The following EYA1 variants were observed in gnomAD, a reference collection of about 807,000 sequenced individuals.
EYA1 encodes the protein EYA transcriptional coactivator and phosphatase 1.
EYA1 carries 16 observed loss-of-function variants against 82.0 expected under a neutral mutation model. That is an observed-to-expected ratio of 0.20 (90% CI 0.13 to 0.30). EYA1 has a LOEUF of 0.30. EYA1 is among the 10% of genes least tolerant of loss of function. EYA1 has a pLI of 1.00. For missense variants in EYA1, 633 were observed against 730.7 expected, an observed-to-expected ratio of 0.87 and a Z score of 1.54; for synonymous variants, 261 against 264.4, an observed-to-expected ratio of 0.99 and a Z score of 0.12.
intron 2 of EYA1, among the ~76,000 whole-genome samples, chr8:71,446,978 C>A (rs1806932342): frequency 2.6e-5 from 4 of 152,098 alleles, no homozygotes; most frequent in African/African-American, 9.6e-5. Flanking sequence ...AGGCACTGAG[C>A]AACCACTATA....
At chr8:71,200,280 C>T (rs1479679711) in intron 17 of EYA1, 1 of 152,112 alleles carries the variant, frequency 6.6e-6, no homozygotes, top group South Asian at 2.1e-4. Flanking sequence ...GTATAATTTG[C>T]AATTATAGTT....
intron 2 of EYA1, among the ~76,000 whole-genome samples, chr8:71,406,712 C>T (rs1011878683): frequency 1.3e-5 from 2 of 151,952 alleles, no homozygotes; most frequent in Admixed American, 6.6e-5. Flanking sequence ...GCAACTGGCT[C>T]GGAGGGTCCT....
chr8:71,525,344 G>C (rs985787342), intron 2 of EYA1, among the ~76,000 whole-genome samples: 1 of 152,120 alleles, frequency 6.6e-6, no homozygotes, highest in African/African-American at 2.4e-5. Context: ...GAGAATGTGA[G>C]TCTAATTTAT....
intron 17 of EYA1, among the ~76,000 whole-genome samples, chr8:71,210,259 A>C (rs1349423926): frequency 6.6e-6 from 1 of 152,264 alleles, no homozygotes; most frequent in African/African-American, 2.4e-5. Context: ...TCTTAAAAGC[A>C]TAACAGAAAA....
intron 2 of EYA1, among the ~76,000 whole-genome samples, chr8:71,439,086 C>A (rs552042369): frequency 1.3e-5 from 2 of 152,142 alleles, no homozygotes; most frequent in Admixed American, 1.3e-4. Context: ...TATGGGGGGC[C>A]CTATTCAGTC....
intron 1 of EYA1, among the ~76,000 whole-genome samples, chr8:71,545,791 A>G (rs1223470776): frequency 1.3e-5 from 2 of 151,806 alleles, no homozygotes; most frequent in Admixed American, 1.3e-4. Flanking sequence ...CGATCTCCTG[A>G]CCTCGTAATC....
chr8:71,518,050 C>T (rs1189317939), intron 2 of EYA1, among the ~76,000 whole-genome samples: 3 of 151,164 alleles, frequency 2.0e-5, no homozygotes, highest in Non-Finnish European at 2.9e-5. Context: ...ATAAAATCTA[C>T]AAAAATATTT....
chr8:71,282,232 C>T lies in EYA1; in HGVS notation c.827-10335G>A, dbSNP rs548203051. ...GTGCCCTGTCACTGATTCCAGTCCA[C>T]GTTCCCTTTACTCTAGATGACCTGC... On this transcript the variant is annotated intron_variant, in intron 9 of 17. Transcript: ENST00000340726. Among the ~76,000 whole-genome samples, 166 of 152,290 alleles carry T rather than the reference C, an allele frequency of 1.1e-3. 1 individual carries two copies. Among genetic ancestry groups the T allele is most frequent in the South Asian group, 9.1e-3 (44 of 4,820 alleles).
chr8:71,204,972 C>A (rs1261670295), intron 17 of EYA1, among the ~76,000 whole-genome samples: 1 of 152,124 alleles, frequency 6.6e-6, no homozygotes, highest in African/African-American at 2.4e-5. Context: ...ATAACATTCA[C>A]TGTACTTGGT....
chr8:71,388,970 G>A (rs1206284912), intron 2 of EYA1, among the ~76,000 whole-genome samples: 2 of 151,888 alleles, frequency 1.3e-5, no homozygotes, highest in African/African-American at 4.8e-5. Flanking sequence ...AAAAGACATA[G>A]AACATTCCTC....
chr8:71,364,659 G>A (rs969140790), upstream of EYA1, among the ~76,000 whole-genome samples: 8 of 151,896 alleles, frequency 5.3e-5, no homozygotes, highest in African/African-American at 1.9e-4. Context: ...TAAATGTATG[G>A]AAAGGAATTT....
chr8:71,309,794 G>A (rs1416873273), intron 7 of EYA1, among the ~76,000 whole-genome samples: 2 of 152,158 alleles, frequency 1.3e-5, no homozygotes, highest in African/African-American at 2.4e-5. Context: ...TGTGATGGCC[G>A]CAGAGCTGTG....
chr8:71,253,111 CATA>C (rs1813951840), intron 11 of EYA1, among the ~76,000 whole-genome samples: 2 of 152,234 alleles, frequency 1.3e-5, no homozygotes, highest in South Asian at 4.1e-4. Context: ...TCAGGAATGA[CATA>C]ATATTTTAGA....
At chr8:71,506,134 T>C (rs1812176590) in intron 2 of EYA1, among the ~76,000 whole-genome samples, 1 of 152,206 alleles carries the variant, frequency 6.6e-6, no homozygotes, top group South Asian at 2.1e-4. Context: ...TATTTCTTTA[T>C]AGCAATATAA....
At chr8:71,529,053 C>T (rs1351669671) in intron 2 of EYA1, among the ~76,000 whole-genome samples, 5 of 152,136 alleles carry the variant, frequency 3.3e-5, no homozygotes, top group Non-Finnish European at 2.9e-5. Flanking sequence ...CAATATAGGT[C>T]TGTTATCTCT....
intron 2 of EYA1, among the ~76,000 whole-genome samples, chr8:71,382,490 C>T (rs1828760332): frequency 6.6e-6 from 1 of 151,976 alleles, no homozygotes; most frequent in South Asian, 2.1e-4. Flanking sequence ...ATTTTATATT[C>T]ACTTCACATA....
chr8:71,347,874 C>A (rs1825897474), intron 3 of EYA1, among the ~76,000 whole-genome samples: 1 of 104,264 alleles, frequency 9.6e-6, no homozygotes, highest in Non-Finnish European at 1.8e-5. Flanking sequence ...TAATGGGATA[C>A]TGGAGGCATG....
intron 12 of EYA1, among the ~76,000 whole-genome samples, chr8:71,243,011 CAG>C (rs1162982759): frequency 1.1e-4 from 16 of 152,040 alleles, no homozygotes; most frequent in Non-Finnish European, 2.2e-4. Flanking sequence ...CTCCCAACCT[CAG>C]GTGATCCAGC....
chr8:71,473,144 A>C (rs1231085033), intron 2 of EYA1, among the ~76,000 whole-genome samples: 1 of 152,028 alleles, frequency 6.6e-6, no homozygotes, highest in Non-Finnish European at 1.5e-5. Flanking sequence ...ATGTAAATTG[A>C]TTCATTTATG....
Sources: allele counts gnomAD v4.1 joint callset (sites outside exome capture counted in the v4.1 genomes callset), GRCh38; gene constraint gnomAD v4.1.1; transcripts MANE v1.5; gene names NCBI Gene and HGNC (gene_info 2026-07-23, HGNC 2026-07-21).